RBFOX1: variants seen among roughly 807,000 people sequenced by gnomAD.
RBFOX1 encodes the protein RNA binding protein fox-1 homolog 1.
In RBFOX1, 8 loss-of-function variants were observed where a neutral mutation model predicts 57.7. The observed-to-expected ratio is 0.14, with a 90% confidence interval of 0.08 to 0.25. The LOEUF (loss-of-function observed/expected upper bound fraction) is 0.25. Among genes scored for constraint, RBFOX1 ranks in the 10% least tolerant of loss-of-function variants. The probability of loss-of-function intolerance (pLI) is 1.00; values close to 1 mark genes in which losing one functional copy is unlikely to be tolerated. For synonymous variants in RBFOX1, 326 were observed against 222.4 expected (o/e 1.47, Z -4.15); for missense variants, 611 against 548.5 (o/e 1.11, Z -1.14).
At chr16:7,007,083 T>C (rs2093348343) in intron 3 of RBFOX1, among the ~76,000 whole-genome samples, 1 of 152,226 alleles carries the variant, frequency 6.6e-6, no homozygotes, top group Admixed American at 6.5e-5. Flanking sequence ...TTCTCAACGC[T>C]GATGTCAATG....
chr16:5,265,158 C>A (rs192142342), intron 1 of RBFOX1, among the ~76,000 whole-genome samples: 1 of 152,272 alleles, frequency 6.6e-6, no homozygotes, highest in South Asian at 2.1e-4. Flanking sequence ...GCTTAGAGAA[C>A]TACAGTGTGG....
At chr16:7,682,998 G>T in intron 14 of RBFOX1, among the ~76,000 whole-genome samples, 1 of 19,708 alleles carries the variant, frequency 5.1e-5, no homozygotes, top group Non-Finnish European at 1.0e-4. Context: ...ATACTTCTAT[G>T]TGTGTGTGTG....
chr16:6,539,078 C>G (rs368030570), intron 2 of RBFOX1, among the ~76,000 whole-genome samples: 31 of 151,838 alleles, frequency 2.0e-4, no homozygotes, highest in East Asian at 1.4e-3. Context: ...CTCTGCAAGG[C>G]TGACTCCTTT....
At chr16:6,296,206 C>G (rs1311984780) in intron 1 of RBFOX1, among the ~76,000 whole-genome samples, 1 of 152,134 alleles carries the variant, frequency 6.6e-6, no homozygotes, top group South Asian at 2.1e-4. Flanking sequence ...TCATCCATTC[C>G]CCAGACACTG....
In RBFOX1 at chr16:6,394,880, C is replaced by T. The variant is rs145434499; in HGVS notation, c.-64+77823C>T. On this transcript the variant is annotated intron_variant, in intron 2 of 15. Transcript: ENST00000550418. The stretch of plus-strand genomic sequence containing the variant: ...GTTTAAAAATCTCACAGCTGTGTAT[C>T]GTGGTGAGAAAACTAGCACTATTAA... 4.6e-5 allele frequency among the ~76,000 whole-genome samples: 7 copies of T among 152,212 alleles called. No individual in the cohort carries two copies. In the East Asian group the frequency reaches 1.2e-3, roughly 25 times the overall value.
chr16:5,819,678 C>G (rs2055774711), intron 3 of RBFOX1, among the ~76,000 whole-genome samples: 1 of 152,252 alleles, frequency 6.6e-6, no homozygotes, highest in South Asian at 2.1e-4. Flanking sequence ...CTTATCTATG[C>G]TGCTCCCACT....
intron 1 of RBFOX1, among the ~76,000 whole-genome samples, chr16:6,171,920 C>T (rs947927539): frequency 6.6e-6 from 1 of 151,964 alleles, no homozygotes; most frequent in Non-Finnish European, 1.5e-5. Flanking sequence ...CTCCTGGGTT[C>T]AAGTGATTGT....
chr16:6,112,013 G>T (rs887950466), intron 1 of RBFOX1, among the ~76,000 whole-genome samples: 2 of 150,456 alleles, frequency 1.3e-5, no homozygotes, highest in Admixed American at 1.3e-4. Context: ...TCCATTTAGT[G>T]ATCTGATAAA....
At position 6,931,337 on chromosome 16, in the gene RBFOX1, C is replaced by CCCTA. The variant is rs1555640244; in HGVS notation, c.-15-120720_-15-120719insCCTA. Among the ~76,000 whole-genome samples, 116 of 110,274 alleles carry CCCTA rather than the reference C, an allele frequency of 1.1e-3. 1 individual carries two copies. Among genetic ancestry groups the CCCTA allele is most frequent in the African/African-American group, 3.5e-3 (110 of 31,278 alleles). 72.3% of individuals were successfully genotyped at this position (110,274 alleles called of 152,430 possible). On this transcript the variant is annotated intron_variant, in intron 3 of 15. Transcript: ENST00000550418. ...TCTATCTATCTATCTATCTATCTAT[C>CCCTA]TCTACACACACACACACACACACAC...
chr16:6,198,709 G>A (rs1472103628), intron 1 of RBFOX1, among the ~76,000 whole-genome samples: 1 of 152,082 alleles, frequency 6.6e-6, no homozygotes, highest in African/African-American at 2.4e-5. Context: ...GAAGTGGGTT[G>A]AATTATTTTT....
chr16:5,605,746 G>A (rs1422520389), intron 3 of RBFOX1, among the ~76,000 whole-genome samples: 1 of 152,014 alleles, frequency 6.6e-6, no homozygotes. Flanking sequence ...ATTTAATAAT[G>A]TCTGCCTTGG....
Position 7,155,768 on chromosome 16 carries a change from T to C in RBFOX1, c.27+103670T>C, listed in dbSNP as rs1406956364. Among the ~76,000 whole-genome samples, 11 of 133,306 alleles carry C rather than the reference T, an allele frequency of 8.3e-5. No individual in the cohort carries two copies. The South Asian group carries it at 2.2e-3, about 27-fold the overall frequency. 87.5% of individuals were successfully genotyped at this position (133,306 alleles called of 152,430 possible). A position where few individuals can be genotyped will look rare whatever the true frequency, so the allele number is the denominator to read the frequency against. On this transcript the variant is annotated intron_variant, in intron 4 of 15. Transcript: ENST00000550418. ...ACACACACACACACACACACACATATATATACAGACACATATATAATCATT... is the reference window on the plus strand; with the variant it reads ...ACACACACACACACACACACACATACATATACAGACACATATATAATCATT...
intron 2 of RBFOX1, among the ~76,000 whole-genome samples, chr16:6,407,594 A>AGAGAG (rs369941718): frequency 6.7e-6 from 1 of 149,202 alleles, no homozygotes; most frequent in South Asian, 2.1e-4. Context: ...AGAGAGAGAG[A>AGAGAG]AGTACATTCT....
At chr16:6,796,327 G>A (rs956228573) in intron 3 of RBFOX1, among the ~76,000 whole-genome samples, 1 of 152,092 alleles carries the variant, frequency 6.6e-6, no homozygotes, top group Non-Finnish European at 1.5e-5. Context: ...TACAATTCAA[G>A]ACGACATGTG....
intron 4 of RBFOX1, among the ~76,000 whole-genome samples, chr16:7,134,175 G>C (rs1320221794): frequency 6.6e-6 from 1 of 152,142 alleles, no homozygotes; most frequent in African/African-American, 2.4e-5. Flanking sequence ...ATGCATTTTT[G>C]AGGTTTCAGT....
chr16:5,908,366 T>A (rs1161762065), intron 4 of RBFOX1, among the ~76,000 whole-genome samples: 1 of 148,416 alleles, frequency 6.7e-6, no homozygotes, highest in Non-Finnish European at 1.5e-5. Context: ...GTGTGTGTTT[T>A]TTGTAAGACA....
At chr16:6,590,519 TA>T (rs1347174637) in intron 2 of RBFOX1, among the ~76,000 whole-genome samples, 1 of 152,036 alleles carries the variant, frequency 6.6e-6, no homozygotes, top group East Asian at 1.9e-4. Flanking sequence ...CTTTCGGGAG[TA>T]AATTCAATGA....
At chr16:5,518,241 G>A (rs1025640500) in intron 2 of RBFOX1, among the ~76,000 whole-genome samples, 1 of 152,164 alleles carries the variant, frequency 6.6e-6, no homozygotes, top group Non-Finnish European at 1.5e-5. Context: ...TTCTCATAAA[G>A]TGCATCGTAT....
chr16:6,332,744 A>C (rs1599726510), intron 2 of RBFOX1, among the ~76,000 whole-genome samples: 1 of 151,964 alleles, frequency 6.6e-6, no homozygotes. Context: ...CTACTGTTTT[A>C]GTGAATAGTT....
Sources: allele counts gnomAD v4.1 joint callset (sites outside exome capture counted in the v4.1 genomes callset), GRCh38; gene constraint gnomAD v4.1.1; transcripts MANE v1.5; gene names NCBI Gene and HGNC (gene_info 2026-07-23, HGNC 2026-07-21).